Variants in NTNG1 observed in about 807,000 individuals in gnomAD.
NTNG1 encodes netrin-G1.
NTNG1 carries 16 observed loss-of-function variants against 54.0 expected under a neutral mutation model. The observed-to-expected ratio is 0.30, with a 90% CI of 0.20 to 0.45. The LOEUF (loss-of-function observed/expected upper bound fraction) is 0.45. Among genes scored for constraint, NTNG1 ranks in the 20% least tolerant of loss-of-function variants. The probability of loss-of-function intolerance (pLI) is 1.00; values close to 1 mark genes in which losing one functional copy is unlikely to be tolerated. For synonymous variants in NTNG1, 255 were observed against 263.1 expected (o/e 0.97, Z 0.30); for missense variants, 530 against 678.7 (o/e 0.78, Z 2.43).
At chr1:107,377,563 TC>T (rs1330744954) in intron 3 of NTNG1, among the ~76,000 whole-genome samples, 1 of 152,190 alleles carries the variant, frequency 6.6e-6, no homozygotes, top group East Asian at 1.9e-4. Flanking sequence ...CAAAATTCAG[TC>T]CTGGTTGTGT....
intron 2 of NTNG1, among the ~76,000 whole-genome samples, chr1:107,152,009 TACAC>T (rs900113330): frequency 1.3e-5 from 2 of 151,580 alleles, no homozygotes; most frequent in East Asian, 3.9e-4. Flanking sequence ...CATATATATA[TACAC>T]ACACATACAT....
At chr1:107,221,752 T>C (rs991135066) in intron 2 of NTNG1, among the ~76,000 whole-genome samples, 7 of 152,172 alleles carry the variant, frequency 4.6e-5, no homozygotes, top group African/African-American at 1.4e-4. Flanking sequence ...ATGTGAGCTC[T>C]GTTCAGTAAA....
intron 4 of NTNG1, among the ~76,000 whole-genome samples, chr1:107,404,264 A>G (rs1285930590): frequency 6.6e-6 from 1 of 152,122 alleles, no homozygotes; most frequent in Non-Finnish European, 1.5e-5. Context: ...AGAAGATCCG[A>G]GAAAAAGAAT....
chr1:107,310,937 G>A (rs539607541), intron 2 of NTNG1, among the ~76,000 whole-genome samples: 14 of 152,164 alleles, frequency 9.2e-5, no homozygotes, highest in African/African-American at 3.4e-4. Context: ...CTTGTGTAAT[G>A]GAGTGTCTCT....
At chr1:107,247,632 T>C (rs1297977425) in intron 2 of NTNG1, among the ~76,000 whole-genome samples, 1 of 152,196 alleles carries the variant, frequency 6.6e-6, no homozygotes, top group Admixed American at 6.5e-5. Flanking sequence ...CCAGATAACA[T>C]GATCAGCTTT....
chr1:107,449,736 T>C (rs921194283), intron 7 of NTNG1, among the ~76,000 whole-genome samples: 2 of 149,818 alleles, frequency 1.3e-5, no homozygotes, highest in African/African-American at 4.9e-5. Flanking sequence ...AAAAAAAACC[T>C]TCAAAAAGTG....
chr1:107,241,137 A>G (rs1661795728), intron 2 of NTNG1, among the ~76,000 whole-genome samples: 1 of 152,222 alleles, frequency 6.6e-6, no homozygotes, highest in Admixed American at 6.5e-5. Context: ...AGGCTGTGAC[A>G]TGGACCTTCT....
At chr1:107,383,855 G>A (rs1035579965) in intron 3 of NTNG1, among the ~76,000 whole-genome samples, 5 of 152,166 alleles carry the variant, frequency 3.3e-5, no homozygotes, top group East Asian at 1.9e-4. Flanking sequence ...TCAAAAGGAC[G>A]TAGAATATAA....
intron 2 of NTNG1, among the ~76,000 whole-genome samples, chr1:107,175,714 T>C (rs1358890432): frequency 1.3e-5 from 2 of 152,106 alleles, no homozygotes; most frequent in African/African-American, 4.8e-5. Flanking sequence ...CTAATAATAG[T>C]GTGGGTGTTA....
intron 7 of NTNG1, among the ~76,000 whole-genome samples, chr1:107,475,354 G>GCTTATCTACAGCTTC (rs1553252414): frequency 6.6e-6 from 1 of 152,290 alleles, no homozygotes; most frequent in Middle Eastern, 3.4e-3. Flanking sequence ...ACTCTCAATT[G>GCTTATCTACAGCTTC]CTTATCTACA....
intron 2 of NTNG1, among the ~76,000 whole-genome samples, chr1:107,207,027 A>C (rs1434661843): frequency 6.6e-6 from 1 of 152,186 alleles, no homozygotes; most frequent in Non-Finnish European, 1.5e-5. Context: ...AAAAGGAAAA[A>C]AAATTAAGAT....
At chr1:107,347,923 A>C (rs1669349864) in intron 3 of NTNG1, among the ~76,000 whole-genome samples, 1 of 151,988 alleles carries the variant, frequency 6.6e-6, no homozygotes, top group Non-Finnish European at 1.5e-5. Flanking sequence ...CCCATGATCC[A>C]ATTACTTCCA....
intron 2 of NTNG1, among the ~76,000 whole-genome samples, chr1:107,270,119 A>C (rs895615392): frequency 1.3e-5 from 2 of 152,268 alleles, no homozygotes; most frequent in Admixed American, 1.3e-4. Context: ...AAGTCACCTT[A>C]AACAGAAAGA....
At chr1:107,177,792 T>C (rs1570771468) in intron 2 of NTNG1, among the ~76,000 whole-genome samples, 1 of 152,344 alleles carries the variant, frequency 6.6e-6, no homozygotes, top group Non-Finnish European at 1.5e-5. Context: ...AATTGCCTTT[T>C]TTCTTCCCTT....
At chr1:107,229,541 G>C (rs1168664952) in intron 2 of NTNG1, among the ~76,000 whole-genome samples, 1 of 151,360 alleles carries the variant, frequency 6.6e-6, no homozygotes, top group Admixed American at 6.6e-5. Flanking sequence ...TTTTAAATGA[G>C]AATTTATGGA....
chr1:107,464,696 A>T (rs1345325499), intron 7 of NTNG1, among the ~76,000 whole-genome samples: 1 of 152,202 alleles, frequency 6.6e-6, no homozygotes, highest in Admixed American at 6.5e-5. Context: ...TCTTAGCTTC[A>T]GCCTCAGGCC....
chr1:107,328,555 A>G (rs924480909), intron 3 of NTNG1, among the ~76,000 whole-genome samples: 1 of 151,998 alleles, frequency 6.6e-6, no homozygotes, highest in African/African-American at 2.4e-5. Context: ...ATCTTTTTAT[A>G]CAGACAGGGG....
At chr1:107,421,317 A>G (rs1674564124) in intron 5 of NTNG1, among the ~76,000 whole-genome samples, 1 of 152,080 alleles carries the variant, frequency 6.6e-6, no homozygotes, top group Non-Finnish European at 1.5e-5. Context: ...AGAAAAAAAA[A>G]TGCTTCACTC....
At chr1:107,450,975 T>C (rs916654702) in intron 7 of NTNG1, among the ~76,000 whole-genome samples, 3 of 152,172 alleles carry the variant, frequency 2.0e-5, no homozygotes, top group Admixed American at 1.3e-4. Flanking sequence ...TCACAATTCA[T>C]AGAGTCACCA....
Sources: allele counts gnomAD v4.1 joint callset (sites outside exome capture counted in the v4.1 genomes callset), GRCh38; gene constraint gnomAD v4.1.1; transcripts MANE v1.5; gene names NCBI Gene and HGNC (gene_info 2026-07-23, HGNC 2026-07-21).